The following TMCO5A variants were observed in gnomAD, a reference collection of about 807,000 sequenced individuals.
The protein encoded by TMCO5A is transmembrane and coiled-coil domain-containing protein 5A.
A neutral mutation model predicts 42.3 loss-of-function variants in TMCO5A; 34 were observed. The ratio of observed to expected loss-of-function variants is 0.80; its 90% CI spans 0.61 to 1.07. TMCO5A has a LOEUF of 1.07. Ranked by LOEUF, TMCO5A falls within the 50% of genes least tolerant of loss-of-function variation. TMCO5A has a pLI of 0.00. For synonymous variants in TMCO5A, 131 were observed against 115.6 expected (o/e 1.13, Z -0.86); for missense variants, 357 against 327.9 (o/e 1.09, Z -0.69).
chr15:38,000,098 T>A, the TMCO5A span, among the ~76,000 whole-genome samples: 1 of 152,178 alleles, frequency 6.6e-6, no homozygotes, highest in African/African-American at 2.4e-5. Context: ...GAATTGGTTT[T>A]AGATCATCTT....
chr15:37,995,430 T>C, the TMCO5A span, among the ~76,000 whole-genome samples: 1 of 152,248 alleles, frequency 6.6e-6, no homozygotes, highest in East Asian at 1.9e-4. Flanking sequence ...TTATTTTGCA[T>C]CCTGCAATCA....
downstream of TMCO5A, among the ~76,000 whole-genome samples, chr15:37,970,951 C>T (rs1395592487): frequency 7.2e-5 from 11 of 152,184 alleles, no homozygotes; most frequent in Non-Finnish European, 7.4e-5. Context: ...GTGTCTGTGG[C>T]TTTTCCAGGC....
the TMCO5A span, among the ~76,000 whole-genome samples, chr15:38,030,280 T>C: frequency 8.5e-5 from 13 of 152,310 alleles, no homozygotes; most frequent in South Asian, 2.7e-3. Context: ...AAATTTTGTG[T>C]CAGTTCTGGT....
At chr15:37,985,734 G>A in the TMCO5A span, among the ~76,000 whole-genome samples, 8 of 152,118 alleles carry the variant, frequency 5.3e-5, no homozygotes, top group African/African-American at 1.7e-4. Flanking sequence ...GTAGATGGAC[G>A]TTTTGCCTTG....
At chr15:37,942,057 T>A (rs1889764993) in intron 8 of TMCO5A, 134 bp from the exon 9 acceptor site, 1 of 834,456 alleles carries the variant, frequency 1.2e-6, no homozygotes, top group Non-Finnish European at 1.9e-6. Flanking sequence ...GGGGTGAGTT[T>A]TATGAAAGCA....
At chr15:37,981,582 C>T in the TMCO5A span, among the ~76,000 whole-genome samples, 6 of 152,118 alleles carry the variant, frequency 3.9e-5, no homozygotes, top group South Asian at 4.2e-4. Context: ...CTCAGGAGAC[C>T]GGGGTTGGGA....
downstream of TMCO5A, among the ~76,000 whole-genome samples, chr15:37,971,413 T>C (rs1890671710): frequency 6.6e-6 from 1 of 152,196 alleles, no homozygotes; most frequent in Non-Finnish European, 1.5e-5. Flanking sequence ...TTCTTCCTTC[T>C]AGGCCTCCAG....
chr15:37,997,444 T>C, the TMCO5A span, among the ~76,000 whole-genome samples: 1 of 152,218 alleles, frequency 6.6e-6, no homozygotes, highest in Non-Finnish European at 1.5e-5. Flanking sequence ...AATTTTTAAC[T>C]CCCAAAATAA....
chr15:37,947,049 G>A (rs1272077323), intron 10 of TMCO5A, among the ~76,000 whole-genome samples: 2 of 152,094 alleles, frequency 1.3e-5, no homozygotes, highest in Non-Finnish European at 1.5e-5. Flanking sequence ...TTTATTGAGA[G>A]TTTTTAAAAT....
At chr15:37,968,227 G>A (rs1352916326), downstream of TMCO5A, among the ~76,000 whole-genome samples, 2 of 152,148 alleles carry the variant, frequency 1.3e-5, no homozygotes, top group African/African-American at 4.8e-5. Context: ...AGCTCCTAGA[G>A]GATCAAGATG....
At chr15:38,029,549 C>CT in the TMCO5A span, among the ~76,000 whole-genome samples, 6,858 of 152,196 alleles carry the variant, frequency 0.045, 547 homozygotes, top group African/African-American at 0.16. Context: ...CAACCTCAAC[C>CT]TCTGGGCTCA....
the TMCO5A span, among the ~76,000 whole-genome samples, chr15:38,012,785 A>G: frequency 6.6e-6 from 1 of 152,172 alleles, no homozygotes; most frequent in Non-Finnish European, 1.5e-5. Flanking sequence ...CTGTCCTAGT[A>G]TCAGTCAAAG....
chr15:37,964,856 T>C (rs1890518762), intron 11 of TMCO5A, among the ~76,000 whole-genome samples: 1 of 152,124 alleles, frequency 6.6e-6, no homozygotes, highest in Admixed American at 6.6e-5. Context: ...TCTACAGATT[T>C]AGTGCAATTT....
chr15:37,985,925 CTT>C, the TMCO5A span, among the ~76,000 whole-genome samples: 1 of 151,814 alleles, frequency 6.6e-6, no homozygotes, highest in Admixed American at 6.6e-5. Flanking sequence ...GAGTTAATAT[CTT>C]GGTTGGAACC....
chr15:38,038,529 C>T, the TMCO5A span, among the ~76,000 whole-genome samples: 86 of 152,090 alleles, frequency 5.7e-4, no homozygotes, highest in African/African-American at 2.0e-3. Context: ...CCTCAGCCTC[C>T]CGAGTAGCTG....
At chr15:37,945,566 TTC>T (rs1889916364) in intron 10 of TMCO5A, among the ~76,000 whole-genome samples, 1 of 152,184 alleles carries the variant, frequency 6.6e-6, no homozygotes, top group Non-Finnish European at 1.5e-5. Flanking sequence ...ATAATAGCAA[TTC>T]TACTGGTGTC....
At chr15:38,033,673 C>CTGGA in the TMCO5A span, among the ~76,000 whole-genome samples, 1 of 152,174 alleles carries the variant, frequency 6.6e-6, no homozygotes, top group Middle Eastern at 3.4e-3. Context: ...GTCACCCAGG[C>CTGGA]TGGAGTGCAG....
At chr15:37,974,300 T>G in the TMCO5A span, among the ~76,000 whole-genome samples, 2 of 152,204 alleles carry the variant, frequency 1.3e-5, no homozygotes, top group Non-Finnish European at 2.9e-5. Context: ...GAGTCCCTTC[T>G]CAATTTTTTG....
chr15:38,035,036 G>C, the TMCO5A span, among the ~76,000 whole-genome samples: 134 of 152,314 alleles, frequency 8.8e-4, 1 homozygote, highest in Admixed American at 2.9e-3. Context: ...CAAGGTGTGA[G>C]AGTGGGTCTT....
Sources: gnomAD v4.1 joint callset for allele counts (sites outside exome capture counted in the v4.1 genomes callset) on GRCh38, gnomAD v4.1.1 for gene constraint, MANE v1.5 for transcripts, NCBI Gene and HGNC (gene_info 2026-07-23, HGNC 2026-07-21) for gene names.